The following STON1 variants were observed in gnomAD, a reference collection of about 807,000 sequenced individuals.
The protein encoded by STON1 is stonin-1.
Under a neutral mutation model 60.9 loss-of-function variants are expected in STON1, and 79 were observed. That is an observed-to-expected ratio of 1.30 (90% CI 1.08 to 1.56). The LOEUF is 1.56. STON1 is among the 40% of genes most tolerant of loss of function. STON1 has a pLI of 0.00. For missense variants in STON1, 1,166 were observed against 858.9 expected, an observed-to-expected ratio of 1.36 and a Z score of -4.47; for synonymous variants, 363 against 306.9, an observed-to-expected ratio of 1.18 and a Z score of -1.91.
intron 1 of STON1, among the ~76,000 whole-genome samples, chr2:48,547,261 A>G (rs564660462): frequency 3.0e-4 from 46 of 152,344 alleles, no homozygotes; most frequent in East Asian, 5.8e-4. Flanking sequence ...TCTAACTTCA[A>G]TCATTATTAG....
chr2:48,552,993 G>A (rs561011951), intron 1 of STON1, among the ~76,000 whole-genome samples: 1 of 152,274 alleles, frequency 6.6e-6, no homozygotes, highest in African/African-American at 2.4e-5. Context: ...CCAAGGTGGT[G>A]CCTTGGAGTG....
intron 1 of STON1, among the ~76,000 whole-genome samples, chr2:48,552,665 G>A (rs1672152410): frequency 6.6e-6 from 1 of 152,086 alleles, no homozygotes; most frequent in Admixed American, 6.6e-5. Flanking sequence ...AGCTACTCAG[G>A]ATGCCAAGGC....
Position 48,565,580 on chromosome 2 carries a change from G to A in STON1, c.-47-15007G>A, listed in dbSNP as rs531436069. 2.3e-4 allele frequency among the ~76,000 whole-genome samples: 35 copies of A among 152,322 alleles called. No individual in the cohort carries two copies. The South Asian group carries it at 7.3e-3, about 32-fold the overall frequency. ...ATTATATTATCAGATCCCCAGGGCA[G>A]AATACAGGCATGGTCATAAGTTAGG... On this transcript the variant is annotated intron_variant, in intron 1 of 3. Transcript: ENST00000404752.
intron 2 of STON1, among the ~76,000 whole-genome samples, chr2:48,586,493 T>C (rs1206168257): frequency 6.6e-6 from 1 of 152,136 alleles, no homozygotes; most frequent in African/African-American, 2.4e-5. Context: ...GAAAGGGTAA[T>C]AAACTGCCTG....
intron 1 of STON1, among the ~76,000 whole-genome samples, chr2:48,559,906 G>A (rs973440241): frequency 2.0e-5 from 3 of 152,134 alleles, no homozygotes; most frequent in African/African-American, 7.2e-5. Context: ...TAGAGATCCT[G>A]GGTGACTCTC....
In STON1 at chr2:48,582,149, C is replaced by A. The variant is rs1475756274; in HGVS notation, c.1516C>A (p.Pro506Thr). 1.9e-6 allele frequency: 3 copies of A among 1,614,034 alleles called. No individual in the cohort carries two copies. Among genetic ancestry groups the A allele is most frequent in the African/African-American group, 1.3e-5 (1 of 74,902 alleles). Residue 506 changes from proline to threonine, a missense_variant, in exon 2 of 4, where the codon CCT (proline) becomes ACT (threonine). Pro to Thr is a conservative substitution (Grantham distance 38). Transcript: ENST00000404752. Reference protein sequence around the residue: ...FEQSRIIKFVPLDACRFELMR... With the variant: ...FEQSRIIKFVTLDACRFELMR... ...GCAATCAAGAATCATTAAGTTTGTACCTCTGGATGCCTGCCGGTTTGAGCT... is the reference window on the plus strand; with the variant it reads ...GCAATCAAGAATCATTAAGTTTGTAACTCTGGATGCCTGCCGGTTTGAGCT...
rs964278649 is a variant in STON1, at chr2:48,591,762, C to T, written c.2040C>T (p.Thr680=). Residue 680 remains threonine (T), a synonymous_variant, in exon 3 of 4, where the codon ACC becomes ACT. Transcript: ENST00000404752. ...CTGTTCAGTTTTCCGTGCCTGACAC[C>T]TGTGCCTCAAGGACAGAGGTCAGGT... is the stretch of plus-strand genomic sequence containing the variant. The part of the protein sequence containing the change: ...FATVQFSVPD[T]CASRTEVRSL... 6.2e-7 allele frequency: 1 copy of T among 1,614,178 alleles called. No homozygotes were observed.
At chr2:48,588,146 G>A (rs957950317) in intron 2 of STON1, among the ~76,000 whole-genome samples, 2 of 152,200 alleles carry the variant, frequency 1.3e-5, no homozygotes, top group Admixed American at 1.3e-4. Context: ...CTGAGCAAGT[G>A]GGATCTGGAA....
At chr2:48,547,113 T>C (rs945083063) in intron 1 of STON1, among the ~76,000 whole-genome samples, 8 of 152,224 alleles carry the variant, frequency 5.3e-5, no homozygotes, top group Non-Finnish European at 1.2e-4. Context: ...AATATGGGGC[T>C]GGAAAATAAG....
At chr2:48,554,118 G>T (rs1207876261) in intron 1 of STON1, among the ~76,000 whole-genome samples, 2 of 152,254 alleles carry the variant, frequency 1.3e-5, no homozygotes, top group Non-Finnish European at 2.9e-5. Context: ...GGCTGCATCT[G>T]TTGGGAGCTA....
At chr2:48,543,087 G>T (rs1572928710) in intron 1 of STON1, among the ~76,000 whole-genome samples, 1 of 148,608 alleles carries the variant, frequency 6.7e-6, no homozygotes, top group Non-Finnish European at 1.5e-5. Flanking sequence ...CGATTCTCCT[G>T]CTTCAGCCTC....
At chr2:48,551,963 C>T (rs1672124391) in intron 1 of STON1, among the ~76,000 whole-genome samples, 3 of 152,214 alleles carry the variant, frequency 2.0e-5, no homozygotes, top group East Asian at 1.9e-4. Context: ...AGGGTTAGTT[C>T]CTGGTGTCCT....
intron 1 of STON1, among the ~76,000 whole-genome samples, chr2:48,570,849 T>TTG (rs1194936828): frequency 7.4e-6 from 1 of 135,962 alleles, no homozygotes; most frequent in African/African-American, 2.8e-5. Flanking sequence ...CTGAGTTTTT[T>TTG]TTTTTTTTTT....
intron 1 of STON1, among the ~76,000 whole-genome samples, chr2:48,554,866 C>T (rs1281480476): frequency 1.3e-5 from 1 of 74,540 alleles, no homozygotes; most frequent in African/African-American, 5.2e-5. Flanking sequence ...AGGCAGAGGA[C>T]CCTGCGGCCT....
intron 1 of STON1, among the ~76,000 whole-genome samples, chr2:48,544,131 A>AAAT (rs545488975): frequency 2.0e-5 from 3 of 152,188 alleles, no homozygotes; most frequent in African/African-American, 7.2e-5. Flanking sequence ...ATCTCATCAG[A>AAAT]AATAATAATA....
intron 2 of STON1, among the ~76,000 whole-genome samples, chr2:48,584,543 C>T (rs990741316): frequency 7.2e-5 from 11 of 152,002 alleles, no homozygotes; most frequent in African/African-American, 2.7e-4. Context: ...GTTGGGATTA[C>T]AGGTGTGAGC....
Position 48,597,196 on chromosome 2 carries a change from T to G in STON1, c.*1894T>G, listed in dbSNP as rs1246530631. 1.3e-5 allele frequency: 2 copies of G among 152,194 alleles called. No individual in the cohort carries two copies. Among genetic ancestry groups the G allele is most frequent in the Non-Finnish European group, 2.9e-5 (2 of 68,038 alleles). The allele number at this position is 152,194 out of a possible 1,614,324, so 9.4% of individuals were successfully genotyped here. The stretch of plus-strand genomic sequence containing the variant: ...TTCATTTGATGCCTTGCTTATAATA[T>G]CATATGCTTGAGGCTCACTGTTGAT... On this transcript the variant is annotated 3_prime_UTR_variant, in exon 4 of 4. Transcript: ENST00000404752.
chr2:48,546,111 A>G (rs569017879), intron 1 of STON1, among the ~76,000 whole-genome samples: 94 of 152,284 alleles, frequency 6.2e-4, no homozygotes, highest in Non-Finnish European at 8.1e-4. Flanking sequence ...CCTATCTGAC[A>G]TTCTTGCCAT....
chr2:48,537,782 G>A (rs1418754411), intron 1 of STON1, among the ~76,000 whole-genome samples: 1 of 151,064 alleles, frequency 6.6e-6, no homozygotes, highest in African/African-American at 2.4e-5. Context: ...CCCGGGAGGT[G>A]GAGATTGCAG....
Sources: gnomAD v4.1 joint callset for allele counts (sites outside exome capture counted in the v4.1 genomes callset) on GRCh38, gnomAD v4.1.1 for gene constraint, MANE v1.5 for transcripts, NCBI Gene and HGNC (gene_info 2026-07-23, HGNC 2026-07-21) for gene names.